QTMAN: variants seen among roughly 807,000 people sequenced by gnomAD.
The protein encoded by QTMAN is tRNA-queuosine alpha-mannosyltransferase.
chr2:144,274,148 A>T, the QTMAN span, among the ~76,000 whole-genome samples: 1 of 152,090 alleles, frequency 6.6e-6, no homozygotes, highest in Admixed American at 6.5e-5. Flanking sequence ...AAAAAGAAAT[A>T]TATATTTGTT....
the QTMAN span, among the ~76,000 whole-genome samples, chr2:144,161,157 G>A: frequency 6.6e-6 from 1 of 152,126 alleles, no homozygotes; most frequent in African/African-American, 2.4e-5. Context: ...ACACTCCATT[G>A]TCATGTTCTA....
the QTMAN span, among the ~76,000 whole-genome samples, chr2:144,133,129 ATATATATATATATATAT>A: frequency 3.0e-4 from 13 of 43,678 alleles, no homozygotes; most frequent in African/African-American, 3.9e-4. Flanking sequence ...ATATATATAT[ATATATATATATATATAT>A]ATATAATATA....
the QTMAN span, among the ~76,000 whole-genome samples, chr2:144,064,012 A>C: frequency 1.3e-5 from 2 of 152,148 alleles, no homozygotes; most frequent in Non-Finnish European, 2.9e-5. Flanking sequence ...TATAGAAATA[A>C]TTTTTCATTA....
At chr2:144,126,285 TAA>T in the QTMAN span, among the ~76,000 whole-genome samples, 1 of 144,666 alleles carries the variant, frequency 6.9e-6, no homozygotes, top group Admixed American at 6.9e-5. Flanking sequence ...CTTGTGAACT[TAA>T]AAAAAAAAAC....
At chr2:144,171,061 C>T in the QTMAN span, among the ~76,000 whole-genome samples, 1 of 152,088 alleles carries the variant, frequency 6.6e-6, no homozygotes, top group Non-Finnish European at 1.5e-5. Flanking sequence ...GGCAGTCACT[C>T]AACAAATTTT....
At chr2:144,292,641 T>C in the QTMAN span, among the ~76,000 whole-genome samples, 29 of 152,144 alleles carry the variant, frequency 1.9e-4, no homozygotes, top group Non-Finnish European at 5.9e-5. Context: ...ATTTATAAAA[T>C]TTATCCCAAA....
At chr2:144,322,812 G>GT in the QTMAN span, among the ~76,000 whole-genome samples, 1 of 152,000 alleles carries the variant, frequency 6.6e-6, no homozygotes, top group Non-Finnish European at 1.5e-5. Flanking sequence ...CCATAATTTT[G>GT]TAACACTGGT....
chr2:144,269,283 T>C, the QTMAN span, among the ~76,000 whole-genome samples: 1 of 152,108 alleles, frequency 6.6e-6, no homozygotes, highest in African/African-American at 2.4e-5. Context: ...AAAACCATAA[T>C]GGGAGAAGCT....
the QTMAN span, among the ~76,000 whole-genome samples, chr2:144,050,802 C>G: frequency 6.6e-6 from 1 of 152,000 alleles, no homozygotes; most frequent in Admixed American, 6.5e-5. Flanking sequence ...CACACACACA[C>G]ATTTATTGCT....
the QTMAN span, among the ~76,000 whole-genome samples, chr2:144,228,089 T>TG: frequency 1.3e-3 from 199 of 152,234 alleles, 1 homozygote; most frequent in African/African-American, 4.6e-3. Flanking sequence ...ATGCTAAGGA[T>TG]GGTGGGGAAG....
the QTMAN span, among the ~76,000 whole-genome samples, chr2:144,209,213 T>C: frequency 6.6e-6 from 1 of 152,354 alleles, no homozygotes; most frequent in African/African-American, 2.4e-5. Flanking sequence ...TGAACTCATC[T>C]TCTAATGACG....
At chr2:144,332,390 C>T in the QTMAN span, 1 of 148,448 alleles carries the variant, frequency 6.7e-6, no homozygotes, top group Non-Finnish European at 1.5e-5. Context: ...GGCCGCGCTC[C>T]CCGCCTCCCC....
chr2:144,083,516 C>A, the QTMAN span, among the ~76,000 whole-genome samples: 1 of 152,096 alleles, frequency 6.6e-6, no homozygotes, highest in Non-Finnish European at 1.5e-5. Context: ...TAAGAACACT[C>A]AATTTTGGAG....
the QTMAN span, among the ~76,000 whole-genome samples, chr2:144,197,732 T>C: frequency 6.6e-6 from 1 of 152,166 alleles, no homozygotes; most frequent in Admixed American, 6.5e-5. Context: ...CCATTCCTAC[T>C]ATTAATGTTC....
the QTMAN span, among the ~76,000 whole-genome samples, chr2:144,184,466 G>A: frequency 2.0e-5 from 3 of 152,096 alleles, no homozygotes; most frequent in Non-Finnish European, 2.9e-5. Context: ...AAAAAATAAG[G>A]AGCTATAATG....
the QTMAN span, among the ~76,000 whole-genome samples, chr2:144,170,325 CAT>C: frequency 3.9e-5 from 6 of 152,136 alleles, 1 homozygote. Flanking sequence ...TGGCAGCAGA[CAT>C]AACATTTCAA....
At chr2:144,261,632 A>T in the QTMAN span, among the ~76,000 whole-genome samples, 1 of 152,228 alleles carries the variant, frequency 6.6e-6, no homozygotes, top group Non-Finnish European at 1.5e-5. Flanking sequence ...AATGCTAAAA[A>T]GTGTAGTATT....
the QTMAN span, among the ~76,000 whole-genome samples, chr2:144,170,087 A>C: frequency 6.6e-6 from 1 of 152,146 alleles, no homozygotes; most frequent in East Asian, 1.9e-4. Flanking sequence ...CAAGTCTTTA[A>C]ATTTTTACAA....
the QTMAN span, among the ~76,000 whole-genome samples, chr2:144,287,008 T>A: frequency 6.6e-6 from 1 of 152,220 alleles, no homozygotes; most frequent in African/African-American, 2.4e-5. Flanking sequence ...GAGGTTTGCA[T>A]GAAGCCAACT....
Sources: gnomAD v4.1 joint callset for allele counts (sites outside exome capture counted in the v4.1 genomes callset) on GRCh38, gnomAD v4.1.1 for gene constraint, MANE v1.5 for transcripts, NCBI Gene and HGNC (gene_info 2026-07-23, HGNC 2026-07-21) for gene names.